GPC5: variants seen among roughly 807,000 people sequenced by gnomAD.
The protein encoded by GPC5 is glypican 5.
Under a neutral mutation model 53.9 loss-of-function variants are expected in GPC5, and 47 were observed. The observed-to-expected ratio is 0.87, with a 90% CI of 0.69 to 1.11. GPC5 has a LOEUF of 1.11. Among genes scored for constraint, GPC5 ranks in the 50% most tolerant of loss-of-function variants. The pLI is 0.00. For missense variants in GPC5, 748 were observed against 713.1 expected, an observed-to-expected ratio of 1.05 and a Z score of -0.56; for synonymous variants, 286 against 263.3, an observed-to-expected ratio of 1.09 and a Z score of -0.84.
intron 7 of GPC5, among the ~76,000 whole-genome samples, chr13:92,359,990 A>G (rs1438123561): frequency 6.6e-6 from 1 of 151,832 alleles, no homozygotes; most frequent in Non-Finnish European, 1.5e-5. Context: ...CCTTTGTCAC[A>G]TATTTTGCAA....
chr13:91,638,610 C>A (rs1470899746), intron 2 of GPC5, among the ~76,000 whole-genome samples: 2 of 152,170 alleles, frequency 1.3e-5, no homozygotes, highest in African/African-American at 2.4e-5. Flanking sequence ...AAGTGATCTG[C>A]CCGCCTCAGC....
intron 7 of GPC5, among the ~76,000 whole-genome samples, chr13:92,229,857 G>A (rs1027856945): frequency 6.6e-6 from 1 of 152,004 alleles, no homozygotes; most frequent in African/African-American, 2.4e-5. Flanking sequence ...GCAAGTTGGT[G>A]TAGGTGCCAC....
rs1566516147 is a variant in GPC5, at chr13:91,571,913, T to TACGTGTGTGTATAC, written c.326-121272_326-121271insGTGTGTGTATACAC. On this transcript the variant is annotated intron_variant, in intron 2 of 7. Coordinates refer to ENST00000377067, the MANE Select transcript of GPC5 (RefSeq NM_004466.6). ...TGTGTATATACACATATTGTATATA[T>TACGTGTGTGTATAC]ACACATATTGTATATATACACACAT... 2.8e-4 allele frequency among the ~76,000 whole-genome samples: 28 copies of TACGTGTGTGTATAC among 101,594 alleles called. 3 individuals are homozygous for TACGTGTGTGTATAC. The highest frequency in any genetic ancestry group is 1.1e-3 in the African/African-American group (26 of 23,994). 66.6% of individuals were successfully genotyped at this position (101,594 alleles called of 152,430 possible). A position where few individuals can be genotyped will look rare whatever the true frequency, so the allele number is the denominator to read the frequency against.
At chr13:92,491,651 T>C (rs1879765741) in intron 7 of GPC5, among the ~76,000 whole-genome samples, 2 of 151,874 alleles carry the variant, frequency 1.3e-5, no homozygotes, top group South Asian at 2.1e-4. Context: ...GTGTAGATTA[T>C]CCACTTCAGC....
At chr13:92,077,428 T>C (rs2041260921) in intron 6 of GPC5, among the ~76,000 whole-genome samples, 1 of 152,226 alleles carries the variant, frequency 6.6e-6, no homozygotes, top group Non-Finnish European at 1.5e-5. Flanking sequence ...GATGACTCTG[T>C]GATCTGAGCC....
At chr13:92,404,849 T>G (rs1875724786) in intron 7 of GPC5, among the ~76,000 whole-genome samples, 1 of 150,012 alleles carries the variant, frequency 6.7e-6, no homozygotes, top group South Asian at 2.1e-4. Context: ...TTAAATTATT[T>G]ATTAAGGTGG....
chr13:91,841,225 C>T (rs1472484919), intron 5 of GPC5, among the ~76,000 whole-genome samples: 3 of 151,452 alleles, frequency 2.0e-5, no homozygotes. Flanking sequence ...AATTCTACTG[C>T]AGGGCTAGAA....
At chr13:91,476,085 G>A (rs1882912801) in intron 2 of GPC5, among the ~76,000 whole-genome samples, 1 of 152,124 alleles carries the variant, frequency 6.6e-6, no homozygotes, top group African/African-American at 2.4e-5. Flanking sequence ...TTTTCAACAT[G>A]GCACTATTGA....
chr13:91,736,074 G>A lies in GPC5; in HGVS notation c.1154+7409G>A, dbSNP rs1022310430. Among the ~76,000 whole-genome samples the A allele has an allele frequency of 4.6e-5, 7 of 151,212 alleles. 1 individual carries two copies. The highest frequency in any genetic ancestry group is 1.7e-4 in the African/African-American group (7 of 40,660). ...TTAAAAACATTATTAAATAAAATCA[G>A]TATATATTTTCAAGGATGGGATATA... is the stretch of plus-strand genomic sequence containing the variant. On this transcript the variant is annotated intron_variant, in intron 4 of 7. Transcript: ENST00000377067.
chr13:92,741,730 T>C (rs1011488299), intron 7 of GPC5, among the ~76,000 whole-genome samples: 2 of 151,942 alleles, frequency 1.3e-5, no homozygotes, highest in African/African-American at 4.8e-5. Flanking sequence ...ATGCTATCCC[T>C]CCCCTCTCCC....
intron 1 of GPC5, among the ~76,000 whole-genome samples, chr13:91,439,622 G>C (rs558404360): frequency 2.2e-3 from 333 of 152,132 alleles, no homozygotes; most frequent in Non-Finnish European, 3.8e-3. Context: ...TGATGCTTGT[G>C]TATTCTCCTT....
intron 7 of GPC5, among the ~76,000 whole-genome samples, chr13:92,515,873 T>C (rs1240361462): frequency 6.6e-6 from 1 of 152,186 alleles, no homozygotes; most frequent in Non-Finnish European, 1.5e-5. Flanking sequence ...AAAGTTTAAT[T>C]AAATAATTTA....
At chr13:92,318,363 T>TA (rs1171153151) in intron 7 of GPC5, among the ~76,000 whole-genome samples, 2 of 152,158 alleles carry the variant, frequency 1.3e-5, no homozygotes, top group African/African-American at 4.8e-5. Context: ...TATCATCACT[T>TA]AATATGGAAT....
In GPC5 at chr13:92,359,787, C is replaced by T. The variant is rs939169875; in HGVS notation, c.1561+214798C>T. Among the ~76,000 whole-genome samples, 6 of 151,562 alleles carry T rather than the reference C, an allele frequency of 4.0e-5. 2 individuals carry two copies. The highest frequency in any genetic ancestry group is 1.2e-4 in the African/African-American group (5 of 40,902). ...TATTGTGAGAACTCATTCACTATCACGAGAACAGCAAGGAAGAAATCTGCC... is the reference window on the plus strand; with the variant it reads ...TATTGTGAGAACTCATTCACTATCATGAGAACAGCAAGGAAGAAATCTGCC... On this transcript the variant is annotated intron_variant, in intron 7 of 7. Transcript: ENST00000377067.
intron 7 of GPC5, among the ~76,000 whole-genome samples, chr13:92,709,134 G>A (rs573453284): frequency 1.1e-3 from 161 of 150,850 alleles, no homozygotes; most frequent in African/African-American, 3.8e-3. Context: ...TGCAACCTCC[G>A]CCTCCAGGTT....
chr13:92,684,100 C>T (rs1205210574), intron 7 of GPC5, among the ~76,000 whole-genome samples: 1 of 152,028 alleles, frequency 6.6e-6, no homozygotes, highest in Admixed American at 6.6e-5. Context: ...AGGGGCCCCT[C>T]GAAATGACTG....
At position 92,433,620 on chromosome 13, in the gene GPC5, A is replaced by G. The variant is rs138791800; in HGVS notation, c.1561+288631A>G. ...TATCAAGGTGATAGATGAATTACTT[A>G]TATGAATGTTATGCCTGCAATAATA... On this transcript the variant is annotated intron_variant, in intron 7 of 7. Transcript: ENST00000377067. 2.8e-3 allele frequency among the ~76,000 whole-genome samples: 431 copies of G among 152,314 alleles called. 2 individuals carry two copies. The highest frequency in any genetic ancestry group is 9.6e-3 in the African/African-American group (401 of 41,578).
intron 5 of GPC5, among the ~76,000 whole-genome samples, chr13:91,863,899 G>GAAATACATAATT (rs2039057360): frequency 1.3e-5 from 2 of 152,162 alleles, no homozygotes; most frequent in African/African-American, 4.8e-5. Context: ...GGAAGCTGAT[G>GAAATACATAATT]AAATACATAA....
At chr13:92,376,007 C>A (rs2139300195) in intron 7 of GPC5, among the ~76,000 whole-genome samples, 1 of 152,214 alleles carries the variant, frequency 6.6e-6, no homozygotes, top group East Asian at 1.9e-4. Context: ...GGAAAATTAC[C>A]TCACATGTCT....
Sources: gnomAD v4.1 joint callset for allele counts (sites outside exome capture counted in the v4.1 genomes callset) on GRCh38, gnomAD v4.1.1 for gene constraint, MANE v1.5 for transcripts, NCBI Gene and HGNC (gene_info 2026-07-23, HGNC 2026-07-21) for gene names.